Variants in KCNH1 observed in about 807,000 individuals in gnomAD.
The protein encoded by KCNH1 is voltage-gated delayed rectifier potassium channel KCNH1.
Under a neutral mutation model 69.2 loss-of-function variants are expected in KCNH1, and 27 were observed. That is an observed-to-expected ratio of 0.39 (90% confidence interval 0.29 to 0.54). The LOEUF (loss-of-function observed/expected upper bound fraction) is 0.54. Among genes scored for constraint, KCNH1 ranks in the 20% least tolerant of loss-of-function variants. KCNH1 has a pLI of 0.68. For missense variants in KCNH1, 798 were observed against 1,261.6 expected, an observed-to-expected ratio of 0.63 and a Z score of 5.57; for synonymous variants, 456 against 487.7, an observed-to-expected ratio of 0.93 and a Z score of 0.86.
intron 7 of KCNH1, among the ~76,000 whole-genome samples, chr1:210,864,279 G>T (rs1014978603): frequency 1.3e-5 from 2 of 152,132 alleles, no homozygotes; most frequent in African/African-American, 4.8e-5. Flanking sequence ...GCAATGCCAC[G>T]GCAGTGAGGA....
chr1:210,958,838 C>T (rs1045392672), intron 6 of KCNH1, among the ~76,000 whole-genome samples: 18 of 152,098 alleles, frequency 1.2e-4, no homozygotes, highest in African/African-American at 4.3e-4. Context: ...TTTTAGCTTC[C>T]TTGCGATGGG....
At chr1:210,872,866 C>G (rs929241267) in intron 7 of KCNH1, among the ~76,000 whole-genome samples, 30 of 152,156 alleles carry the variant, frequency 2.0e-4, no homozygotes, top group Non-Finnish European at 2.9e-5. Flanking sequence ...GACACAGATC[C>G]AAACCATATC....
intron 7 of KCNH1, chr1:210,860,338 A>T: frequency 6.9e-7 from 1 of 1,443,476 alleles, no homozygotes; most frequent in Non-Finnish European, 9.7e-7. Context: ...GAATTCTGAG[A>T]CATGCTGTTG....
chr1:210,990,166 G>T (rs1688912353), intron 6 of KCNH1, among the ~76,000 whole-genome samples: 3 of 152,212 alleles, frequency 2.0e-5, no homozygotes, highest in Admixed American at 1.3e-4. Context: ...TGAGGCTGGA[G>T]TTACAGCCTT....
intron 1 of KCNH1, among the ~76,000 whole-genome samples, chr1:211,113,335 C>T (rs1366465522): frequency 6.6e-6 from 1 of 152,252 alleles, no homozygotes; most frequent in East Asian, 1.9e-4. Context: ...TCTATGAATA[C>T]CGTTATTGTA....
At chr1:211,082,925 C>T (rs200608030) in intron 4 of KCNH1, 27 bp from the exon 5 acceptor site, 2 of 1,575,320 alleles carry the variant, frequency 1.3e-6, no homozygotes, top group East Asian at 2.2e-5. Flanking sequence ...AGTGAAAAGA[C>T]AGGGTCAACC....
At position 210,919,899 on chromosome 1, in the gene KCNH1, C is replaced by T. The variant is rs1474700496; in HGVS notation, c.1203G>A (p.Gly401=). 8 of 1,613,986 alleles carry T rather than the reference C, an allele frequency of 5.0e-6. No individual in the cohort carries two copies. The highest frequency in any genetic ancestry group is 2.2e-5 in the East Asian group (1 of 44,900). Residue 401 remains glycine, a synonymous_variant, in exon 7 of 11, where the codon GGG becomes GGA. Coordinates refer to ENST00000271751, the MANE Select transcript of KCNH1 (RefSeq NM_172362.3). This position sits in a 1 kb window ranked among gnomAD's most constrained non-coding sequence, Gnocchi z 4.2. The part of the protein sequence containing the change: ...HWMACIWYSI[G]DYEIFDEDTK... Reference sequence around the variant, plus strand: ...TGTCCTCGTCAAAGATCTCATAGTCCCCAATGCTGTACCAGATGCAGGCCA... The same window carrying T: ...TGTCCTCGTCAAAGATCTCATAGTCTCCAATGCTGTACCAGATGCAGGCCA...
chr1:210,810,461 TGATAATTTCTTC>T (rs1487350465), intron 7 of KCNH1, among the ~76,000 whole-genome samples: 1 of 152,184 alleles, frequency 6.6e-6, no homozygotes, highest in African/African-American at 2.4e-5. Context: ...ATTATTTCTT[TGATAATTTCTTC>T]CCCTCCATTT....
intron 5 of KCNH1, among the ~76,000 whole-genome samples, chr1:211,033,171 T>C (rs998957240): frequency 1.3e-5 from 2 of 152,224 alleles, no homozygotes; most frequent in African/African-American, 4.8e-5. Context: ...ATGCTCATCA[T>C]CACTGGCCAT....
At chr1:210,981,479 A>G (rs1300407563) in intron 6 of KCNH1, among the ~76,000 whole-genome samples, 1 of 151,994 alleles carries the variant, frequency 6.6e-6, no homozygotes, top group Non-Finnish European at 1.5e-5. Flanking sequence ...CTTATGACTG[A>G]GTAGGAGTAA....
chr1:210,788,685 C>CTTTTTTTTTTTTTTTTT (rs139485350), intron 9 of KCNH1, among the ~76,000 whole-genome samples: 7 of 80,712 alleles, frequency 8.7e-5, no homozygotes, highest in African/African-American at 3.5e-4. Flanking sequence ...TAGCTTCTTT[C>CTTTTTTTTTTTTTTTTT]TTTTTTTTTT....
intron 5 of KCNH1, among the ~76,000 whole-genome samples, chr1:211,050,691 T>C (rs552585672): frequency 1.3e-5 from 2 of 152,322 alleles, no homozygotes; most frequent in African/African-American, 4.8e-5. Flanking sequence ...TTCAATATGA[T>C]GAAGAATTAG....
intron 10 of KCNH1, among the ~76,000 whole-genome samples, chr1:210,714,728 A>G (rs1162721982): frequency 6.6e-6 from 1 of 152,130 alleles, no homozygotes; most frequent in African/African-American, 2.4e-5. Flanking sequence ...AAGGCAGTCT[A>G]TATCATTTTT....
intron 6 of KCNH1, among the ~76,000 whole-genome samples, chr1:211,006,161 TCAATGCAACCACTTTGGA>T (rs747725312): frequency 1.4e-4 from 21 of 152,182 alleles, no homozygotes; most frequent in Non-Finnish European, 2.6e-4. Flanking sequence ...TGCAAAGCAC[TCAATGCAACCACTTTGGA>T]CAGCTGTTTG....
chr1:211,064,739 C>A (rs988561254), intron 5 of KCNH1, among the ~76,000 whole-genome samples: 2 of 151,960 alleles, frequency 1.3e-5, no homozygotes, highest in Non-Finnish European at 2.9e-5. Flanking sequence ...AATCATAAAT[C>A]TGATAAGGAG....
intron 1 of KCNH1, among the ~76,000 whole-genome samples, chr1:211,111,379 G>C (rs563378369): frequency 6.9e-6 from 1 of 145,936 alleles, no homozygotes; most frequent in African/African-American, 2.6e-5. Context: ...ACCTCTGCCC[G>C]GCCACCGCAT....
At position 210,682,808 on chromosome 1, in the gene KCNH1, G is replaced by T. The variant is rs919838721; in HGVS notation, c.*473C>A. The T allele has an allele frequency of 6.3e-6, 1 of 159,042 alleles. No individual in the cohort carries two copies. The highest frequency in any genetic ancestry group is 5.9e-5 in the Admixed American group (1 of 16,812). 9.9% of individuals were successfully genotyped at this position (159,042 alleles called of 1,614,324 possible). ...GACAACTACAGGAAAACATGGTGACGTCAGACACGGGCTGTACAAGGACGG... is the reference window on the plus strand; with the variant it reads ...GACAACTACAGGAAAACATGGTGACTTCAGACACGGGCTGTACAAGGACGG... On this transcript the variant is annotated 3_prime_UTR_variant, in exon 11 of 11. Transcript: ENST00000271751.
At chr1:210,718,701 T>TAA (rs1682373398) in intron 10 of KCNH1, among the ~76,000 whole-genome samples, 1 of 143,742 alleles carries the variant, frequency 7.0e-6, no homozygotes, top group African/African-American at 2.6e-5. Flanking sequence ...CATATATATA[T>TAA]ACACACTAAG....
At chr1:210,996,877 C>T (rs1432847009) in intron 6 of KCNH1, among the ~76,000 whole-genome samples, 3 of 152,132 alleles carry the variant, frequency 2.0e-5, no homozygotes, top group Non-Finnish European at 4.4e-5. Context: ...CGCTGTTCTG[C>T]AGCCACCGCT....
Sources: gnomAD v4.1 joint callset for allele counts (sites outside exome capture counted in the v4.1 genomes callset) on GRCh38, gnomAD v4.1.1 for gene constraint, Gnocchi (gnomAD v3.1) non-coding constraint, MANE v1.5 for transcripts, NCBI Gene and HGNC (gene_info 2026-07-23, HGNC 2026-07-21) for gene names.